The following RTN1 variants were observed in gnomAD, a reference collection of about 807,000 sequenced individuals.
RTN1 encodes the protein reticulon 1, also known as reticulon-1.
A neutral mutation model predicts 65.5 loss-of-function variants in RTN1; 25 were observed. The observed-to-expected ratio is 0.38, with a 90% CI of 0.28 to 0.53. RTN1 has a LOEUF of 0.53. Ranked by LOEUF, RTN1 falls within the 20% of genes least tolerant of loss-of-function variation. RTN1 has a pLI of 0.79. For missense variants in RTN1, 983 were observed against 1,025.4 expected, an observed-to-expected ratio of 0.96 and a Z score of 0.57; for synonymous variants, 471 against 447.6, an observed-to-expected ratio of 1.05 and a Z score of -0.66.
At chr14:59,753,427 T>C (rs1207097799) in intron 1 of RTN1, among the ~76,000 whole-genome samples, 1 of 152,218 alleles carries the variant, frequency 6.6e-6, no homozygotes, top group African/African-American at 2.4e-5. Flanking sequence ...TCACACATTT[T>C]AGATGGGATC....
At chr14:59,814,772 A>T (rs1476847699) in intron 1 of RTN1, among the ~76,000 whole-genome samples, 1 of 152,236 alleles carries the variant, frequency 6.6e-6, no homozygotes, top group Non-Finnish European at 1.5e-5. Flanking sequence ...CCAAACAAGG[A>T]AATGTACACA....
intron 3 of RTN1, among the ~76,000 whole-genome samples, chr14:59,619,992 G>C (rs1882211903): frequency 1.3e-5 from 2 of 152,108 alleles, no homozygotes; most frequent in Admixed American, 1.3e-4. Context: ...AGTTTGGGGA[G>C]TAGTAGCAAC....
intron 3 of RTN1, among the ~76,000 whole-genome samples, chr14:59,666,829 T>C (rs750529684): frequency 1.3e-5 from 2 of 151,790 alleles, no homozygotes; most frequent in Non-Finnish European, 2.9e-5. Flanking sequence ...ACAAATAAAC[T>C]AGAAAATCTA....
chr14:59,819,304 G>A (rs1007119548), intron 1 of RTN1, among the ~76,000 whole-genome samples: 2 of 150,130 alleles, frequency 1.3e-5, no homozygotes, highest in Non-Finnish European at 3.0e-5. Flanking sequence ...CGGGTGGCGG[G>A]TCTTTATTCC....
At chr14:59,698,713 CT>C (rs374855383) in intron 3 of RTN1, among the ~76,000 whole-genome samples, 113 of 152,296 alleles carry the variant, frequency 7.4e-4, no homozygotes, top group African/African-American at 2.6e-3. Flanking sequence ...AAACATTTGT[CT>C]TTTGTAAACT....
intron 1 of RTN1, among the ~76,000 whole-genome samples, chr14:59,797,178 T>C (rs1021087988): frequency 1.3e-5 from 2 of 152,208 alleles, no homozygotes; most frequent in Non-Finnish European, 2.9e-5. Flanking sequence ...TCTTATTCTA[T>C]GTAATAAACT....
intron 3 of RTN1, among the ~76,000 whole-genome samples, chr14:59,682,178 T>C (rs1276649705): frequency 2.0e-5 from 3 of 152,182 alleles, no homozygotes; most frequent in African/African-American, 7.2e-5. Context: ...CACATGCTAT[T>C]TCACCCTTTG....
At chr14:59,820,825 T>C (rs1247188707) in intron 1 of RTN1, among the ~76,000 whole-genome samples, 1 of 152,232 alleles carries the variant, frequency 6.6e-6, no homozygotes, top group Non-Finnish European at 1.5e-5. Context: ...TGGTTGTATG[T>C]ATGCAGCTTT....
intron 1 of RTN1, among the ~76,000 whole-genome samples, chr14:59,831,338 A>C (rs1887121091): frequency 6.6e-6 from 1 of 152,244 alleles, no homozygotes; most frequent in Admixed American, 6.5e-5. Flanking sequence ...TGAACAGAAC[A>C]AAGAGGCTAA....
At chr14:59,651,877 A>G (rs1157371464) in intron 3 of RTN1, among the ~76,000 whole-genome samples, 1 of 152,228 alleles carries the variant, frequency 6.6e-6, no homozygotes, top group African/African-American at 2.4e-5. Context: ...GTTTCTGCAC[A>G]GCAAAACAAA....
chr14:59,865,092 G>T (rs1298446956), intron 1 of RTN1, among the ~76,000 whole-genome samples: 1 of 152,050 alleles, frequency 6.6e-6, no homozygotes, highest in South Asian at 2.1e-4. Flanking sequence ...AAATAATGTT[G>T]TACAGGCATT....
intron 1 of RTN1, among the ~76,000 whole-genome samples, chr14:59,834,264 A>G (rs1362123224): frequency 6.6e-6 from 1 of 152,212 alleles, no homozygotes; most frequent in African/African-American, 2.4e-5. Context: ...TTTCTAGAAG[A>G]AAACACAGGA....
intron 3 of RTN1, among the ~76,000 whole-genome samples, chr14:59,644,762 T>C (rs1408521760): frequency 6.6e-6 from 1 of 151,950 alleles, no homozygotes; most frequent in East Asian, 1.9e-4. Context: ...CTGTCATCTT[T>C]GGTGTTTCAC....
intron 3 of RTN1, among the ~76,000 whole-genome samples, chr14:59,717,684 T>G (rs538125961): frequency 2.7e-4 from 41 of 152,324 alleles, no homozygotes; most frequent in Non-Finnish European, 5.1e-4. Flanking sequence ...GATCTCCCCT[T>G]CACTCTCCCA....
chr14:59,625,846 T>C (rs1318590693), intron 3 of RTN1, among the ~76,000 whole-genome samples: 1 of 152,206 alleles, frequency 6.6e-6, no homozygotes, highest in Non-Finnish European at 1.5e-5. Context: ...GAAAAAGAAC[T>C]TTATTTTTCA....
chr14:59,752,530 C>T (rs1282846163), intron 1 of RTN1, among the ~76,000 whole-genome samples: 2 of 152,106 alleles, frequency 1.3e-5, no homozygotes, highest in Non-Finnish European at 2.9e-5. Flanking sequence ...ACAACACTGA[C>T]CAATGCCTGC....
chr14:59,757,527 C>A (rs566765111), intron 1 of RTN1, among the ~76,000 whole-genome samples: 69 of 152,232 alleles, frequency 4.5e-4, no homozygotes, highest in Admixed American at 9.8e-4. Context: ...TCAATTAAAC[C>A]TCTTTCCTTT....
intron 1 of RTN1, among the ~76,000 whole-genome samples, chr14:59,765,893 G>T (rs1375364559): frequency 6.6e-6 from 1 of 152,062 alleles, no homozygotes; most frequent in Non-Finnish European, 1.5e-5. Context: ...TGAATGAACA[G>T]ATTGGGCCAC....
At chr14:59,869,098 T>C (rs1328938128) in intron 1 of RTN1, among the ~76,000 whole-genome samples, 1 of 152,180 alleles carries the variant, frequency 6.6e-6, no homozygotes, top group Non-Finnish European at 1.5e-5. Flanking sequence ...CCACTTTTTC[T>C]CTTCCTTTCA....
Sources: allele counts gnomAD v4.1 joint callset (sites outside exome capture counted in the v4.1 genomes callset), GRCh38; gene constraint gnomAD v4.1.1; transcripts MANE v1.5; gene names NCBI Gene and HGNC (gene_info 2026-07-23, HGNC 2026-07-21).